DST: variants seen among roughly 807,000 people sequenced by gnomAD.
DST encodes bullous pemphigoid antigen.
DST carries 253 observed loss-of-function variants against 875.2 expected under a neutral mutation model. The ratio of observed to expected loss-of-function variants is 0.29; its 90% CI spans 0.26 to 0.32. The LOEUF (loss-of-function observed/expected upper bound fraction) is 0.32. Among genes scored for constraint, DST ranks in the 10% least tolerant of loss-of-function variants. The pLI is 1.00. For synonymous variants in DST, 3,124 were observed against 3,197.1 expected, an observed-to-expected ratio of 0.98 and a Z score of 0.77; for missense variants, 8,287 against 9,111.6, an observed-to-expected ratio of 0.91 and a Z score of 3.68.
chr6:56,463,547 C>T lies in DST; in HGVS notation c.22959+18G>A, dbSNP rs764025757. ...TTGATTGCAAAGGTGGAGGAAAAGT[C>T]TTCATCCTGAGTCTTACCTTGGGTG... On this transcript the variant is annotated intron_variant, in intron 101 of 103. Coordinates refer to ENST00000680361, the MANE Select transcript of DST (RefSeq NM_001374736.1). The T allele has an allele frequency of 9.7e-6, 15 of 1,541,476 alleles. No individual in the cohort carries two copies. Among genetic ancestry groups the T allele is most frequent in the African/African-American group, 1.4e-5 (1 of 72,500 alleles).
intron 4 of DST, among the ~76,000 whole-genome samples, chr6:56,805,863 T>C (rs541667184): frequency 3.3e-5 from 5 of 152,230 alleles, no homozygotes; most frequent in Non-Finnish European, 4.4e-5. Flanking sequence ...CAGAAAGGAA[T>C]AGAATATTTA....
rs1586668793 is a variant in DST, at chr6:56,614,501, G to A, written c.4930-17C>T. ...CAGTGACTTCTGACAGTTGTGAGCG[G>A]TAAGAAAAATATACACTGCATTAAA... On this transcript the variant is annotated splice_polypyrimidine_tract_variant and intron_variant, in intron 36 of 103. Coordinates refer to ENST00000680361, the MANE Select transcript of DST (RefSeq NM_001374736.1). 1 of 1,580,816 alleles carries A rather than the reference G, an allele frequency of 6.3e-7. No homozygotes were observed. The highest frequency in any genetic ancestry group is 8.6e-7 in the Non-Finnish European group (1 of 1,165,236).
Position 56,692,809 on chromosome 6 carries a change from C to T in DST, c.1047+6844G>A, listed in dbSNP as rs1489567822. The T allele has an allele frequency of 1.7e-5, 22 of 1,289,730 alleles. No individual in the cohort carries two copies. The South Asian group carries it at 2.2e-4, about 13-fold the overall frequency. The allele number at this position is 1,289,730 out of a possible 1,614,324, so 79.9% of individuals were successfully genotyped here. On this transcript the variant is annotated intron_variant, in intron 9 of 103. Transcript: ENST00000680361. Reference sequence around the variant, plus strand: ...ACAGTCAGACCAACTGCTTACAGCACTCGGCAGAAGTTTCTGTTTAACGCT... The same window carrying T: ...ACAGTCAGACCAACTGCTTACAGCATTCGGCAGAAGTTTCTGTTTAACGCT...
At position 56,947,194 on chromosome 6, in the gene DST, C is replaced by T. The variant is rs572725480; in HGVS notation, c.216+6591G>A. ...CCTGGGTGAAAGAAGAGTGATTGGACGGTTTTGTTATAGTTGCTGGAAAAG... is the reference window on the plus strand; with the variant it reads ...CCTGGGTGAAAGAAGAGTGATTGGATGGTTTTGTTATAGTTGCTGGAAAAG... On this transcript the variant is annotated intron_variant, in intron 2 of 103. Transcript: ENST00000680361. Among the ~76,000 whole-genome samples, 23 of 150,996 alleles carry T rather than the reference C, an allele frequency of 1.5e-4. No homozygotes were observed. In the South Asian group the frequency reaches 4.0e-3, roughly 26 times the overall value.
intron 2 of DST, among the ~76,000 whole-genome samples, chr6:56,938,680 G>A (rs1814577297): frequency 6.6e-6 from 1 of 152,138 alleles, no homozygotes; most frequent in Non-Finnish European, 1.5e-5. Flanking sequence ...ACTTGCTTTG[G>A]CCAAAACAAT....
At chr6:56,725,453 C>T (rs2099449205) in intron 5 of DST, among the ~76,000 whole-genome samples, 1 of 152,182 alleles carries the variant, frequency 6.6e-6, no homozygotes. Context: ...ATGACCCTAG[C>T]TGAAACCAGC....
rs370575957 is a variant in DST at position 56,725,516 on chromosome 6, G to A, written c.687+9712C>T. Among the ~76,000 whole-genome samples the A allele has an allele frequency of 5.9e-5, 9 of 152,240 alleles. No individual in the cohort carries two copies. In the South Asian group the frequency reaches 1.7e-3, roughly 28 times the overall value. On this transcript the variant is annotated intron_variant, in intron 5 of 103. Coordinates refer to ENST00000680361, the MANE Select transcript of DST (RefSeq NM_001374736.1). ...AACACTCTGGAAAAGAGAGTGCCTCGGGAGGACACACACATGCACTGGGCC... is the reference window on the plus strand; with the variant it reads ...AACACTCTGGAAAAGAGAGTGCCTCAGGAGGACACACACATGCACTGGGCC...
At chr6:56,761,123 T>C (rs1203920189) in intron 4 of DST, among the ~76,000 whole-genome samples, 1 of 152,226 alleles carries the variant, frequency 6.6e-6, no homozygotes, top group Non-Finnish European at 1.5e-5. Context: ...TAAACAGCAC[T>C]GTGGAGAGGC....
intron 4 of DST, among the ~76,000 whole-genome samples, chr6:56,816,212 C>T (rs1210986844): frequency 6.6e-6 from 1 of 152,190 alleles, no homozygotes; most frequent in East Asian, 1.9e-4. Flanking sequence ...TTATATCCCC[C>T]TTTACTGAAG....
chr6:56,904,832 T>C (rs1795664735), intron 2 of DST, among the ~76,000 whole-genome samples: 1 of 152,200 alleles, frequency 6.6e-6, no homozygotes, highest in Non-Finnish European at 1.5e-5. Flanking sequence ...GCTCTGTCGC[T>C]AGGCTGGAGT....
Position 56,459,161 on chromosome 6 carries a change from T to C in DST, c.23301A>G (p.Glu7767=). ...GSDASDFDIS[E]IQSVCSDVET... Reference sequence around the variant, plus strand: ...CCACATCTGAGCACACGGACTGGATTTCTGAAATGTCAAAGTCTGATGCAT... The same window carrying C: ...CCACATCTGAGCACACGGACTGGATCTCTGAAATGTCAAAGTCTGATGCAT... The change falls in exon 104 of 104, where the codon GAA becomes GAG. Residue 7767 remains glutamate, a synonymous_variant. Coordinates refer to ENST00000680361, the MANE Select transcript of DST (RefSeq NM_001374736.1). 6.2e-7 allele frequency: 1 copy of C among 1,613,906 alleles called. No individual in the cohort carries two copies. The highest frequency in any genetic ancestry group is 8.5e-7 in the Non-Finnish European group (1 of 1,179,874).
chr6:56,921,343 T>A (rs1327434436), intron 2 of DST, among the ~76,000 whole-genome samples: 1 of 152,150 alleles, frequency 6.6e-6, no homozygotes, highest in African/African-American at 2.4e-5. Context: ...AAAGTAGAAA[T>A]ATCAACACCT....
chr6:56,706,505 T>C (rs941613155), intron 5 of DST, among the ~76,000 whole-genome samples: 4 of 152,172 alleles, frequency 2.6e-5, no homozygotes, highest in Admixed American at 2.0e-4. Flanking sequence ...ATTACATGCA[T>C]GATATGTACG....
At chr6:56,552,155 A>G (rs1219091651) in intron 61 of DST, 29 bp downstream of exon 61, 2 of 1,546,718 alleles carry the variant, frequency 1.3e-6, no homozygotes. Flanking sequence ...GACAATAAAA[A>G]CACTGGGTAA....
At chr6:56,533,485 G>A (rs1036479556) in intron 63 of DST, among the ~76,000 whole-genome samples, 6 of 152,170 alleles carry the variant, frequency 3.9e-5, no homozygotes, top group African/African-American at 1.4e-4. Flanking sequence ...AAGGTAAGAG[G>A]AACTTGTTTA....
chr6:56,793,068 C>G (rs1389988055), intron 4 of DST, among the ~76,000 whole-genome samples: 1 of 42,316 alleles, frequency 2.4e-5, no homozygotes, highest in African/African-American at 6.3e-5. Flanking sequence ...GACCCTGTCT[C>G]AAAAAAAAAA....
At chr6:56,805,229 T>C (rs2099751729) in intron 4 of DST, among the ~76,000 whole-genome samples, 1 of 152,140 alleles carries the variant, frequency 6.6e-6, no homozygotes, top group Non-Finnish European at 1.5e-5. Flanking sequence ...TGATTTCCTA[T>C]GTGGGTGTCA....
intron 3 of DST, among the ~76,000 whole-genome samples, chr6:56,860,987 T>C (rs781642820): frequency 6.6e-6 from 1 of 152,006 alleles, no homozygotes; most frequent in African/African-American, 2.4e-5. Context: ...TAGACAAACA[T>C]GTTAGTGTTA....
chr6:56,577,577 T>C (rs139543403), intron 50 of DST, among the ~76,000 whole-genome samples: 72 of 152,322 alleles, frequency 4.7e-4, no homozygotes, highest in African/African-American at 1.7e-3. Flanking sequence ...CATGTAAGAA[T>C]GAAAGACAGG....
Sources: allele counts gnomAD v4.1 joint callset (sites outside exome capture counted in the v4.1 genomes callset), GRCh38; gene constraint gnomAD v4.1.1; transcripts MANE v1.5; gene names NCBI Gene and HGNC (gene_info 2026-07-23, HGNC 2026-07-21).